Variants in LIPC observed in about 807,000 individuals in gnomAD.
LIPC encodes the protein hepatic triacylglycerol lipase.
LIPC carries 44 observed loss-of-function variants against 50.7 expected under a neutral mutation model. That is an observed-to-expected ratio of 0.87 (90% CI 0.68 to 1.11). The LOEUF (loss-of-function observed/expected upper bound fraction) is 1.11, where lower values mean the gene tolerates loss of function less well. LIPC is among the 50% of genes most tolerant of loss of function. The probability of loss-of-function intolerance (pLI) is 0.00; values close to 1 mark genes in which losing one functional copy is unlikely to be tolerated. For synonymous variants in LIPC, 271 were observed against 256.4 expected (o/e 1.06, Z -0.54); for missense variants, 697 against 648.2 (o/e 1.08, Z -0.82).
chr15:58,525,995 T>C (rs1260709062), intron 1 of LIPC, among the ~76,000 whole-genome samples: 1 of 152,214 alleles, frequency 6.6e-6, no homozygotes, highest in Non-Finnish European at 1.5e-5. Flanking sequence ...GAGGAAACCA[T>C]CTGTAAACGT....
At chr15:58,447,538 A>G (rs1893743499) in intron 1 of LIPC, among the ~76,000 whole-genome samples, 1 of 152,220 alleles carries the variant, frequency 6.6e-6, no homozygotes, top group African/African-American at 2.4e-5. Context: ...AGGCGCATGC[A>G]TATCATGTTT....
intron 5 of LIPC, among the ~76,000 whole-genome samples, chr15:58,546,444 A>G (rs962779027): frequency 3.3e-5 from 5 of 152,112 alleles, no homozygotes; most frequent in African/African-American, 1.2e-4. Context: ...CATCAGTTTA[A>G]TTGAGGAAAT....
At chr15:58,484,320 C>T (rs1462594879) in intron 1 of LIPC, among the ~76,000 whole-genome samples, 2 of 152,206 alleles carry the variant, frequency 1.3e-5, no homozygotes, top group Non-Finnish European at 2.9e-5. Flanking sequence ...TAGAAAAATG[C>T]CTTAGCATTC....
intron 1 of LIPC, among the ~76,000 whole-genome samples, chr15:58,469,501 C>G (rs1375568669): frequency 6.6e-6 from 1 of 152,180 alleles, no homozygotes; most frequent in Non-Finnish European, 1.5e-5. Flanking sequence ...TGCTCCACCC[C>G]CTTTCAATTA....
At position 58,451,869 on chromosome 15, in the gene LIPC, C is replaced by T. The variant is rs1228449932; in HGVS notation, c.88+19749C>T. On this transcript the variant is annotated intron_variant, in intron 1 of 8. Transcript: ENST00000299022. ...TGCTCCCCGCTAGAAGGTGGGCTAT[C>T]GTAGCTAAGCTACCTGGGCAGAGCA... 5.3e-5 allele frequency among the ~76,000 whole-genome samples: 8 copies of T among 152,240 alleles called. No individual in the cohort carries two copies. In the East Asian group the frequency reaches 9.7e-4, roughly 18 times the overall value.
rs1235838170 is a variant in LIPC, at chr15:58,568,600, TAAAA to T, written c.1389-112_1389-109del. The T allele has an allele frequency of 1.9e-4, 133 of 698,606 alleles. No homozygotes were observed. The African/African-American group carries it at 2.2e-3, about 11-fold the overall frequency. 43.3% of individuals were successfully genotyped at this position (698,606 alleles called of 1,614,324 possible). A position where few individuals can be genotyped will look rare whatever the true frequency, so the allele number is the denominator to read the frequency against. On this transcript the variant is annotated intron_variant, in intron 8 of 8. Coordinates refer to ENST00000299022, the MANE Select transcript of LIPC (RefSeq NM_000236.3). ...TATTTGCGAACATAAGAATCTAACT[TAAAA>T]AAAGACATCACATGCCTTACACAAA...
intron 1 of LIPC, 133 bp downstream of exon 1, chr15:58,432,253 A>C: frequency 1.4e-6 from 1 of 732,462 alleles, no homozygotes; most frequent in African/African-American, 1.7e-5. Context: ...TCTATACACG[A>C]CCTCACAGGT....
At chr15:58,485,694 T>A (rs1595888428) in intron 1 of LIPC, among the ~76,000 whole-genome samples, 1 of 152,226 alleles carries the variant, frequency 6.6e-6, no homozygotes, top group Admixed American at 6.5e-5. Flanking sequence ...TACAGACTAC[T>A]GAGAATCAGA....
chr15:58,561,738 T>C lies in LIPC; in HGVS notation c.1169+757T>C, dbSNP rs538341995. On this transcript the variant is annotated intron_variant, in intron 7 of 8. Transcript: ENST00000299022. Reference sequence around the variant, plus strand: ...TGCTGTCTGTCATGTGATGCTATACTAGAGTCAGGCTGGAATTTGGTGTCT... The same window carrying C: ...TGCTGTCTGTCATGTGATGCTATACCAGAGTCAGGCTGGAATTTGGTGTCT... Among the ~76,000 whole-genome samples the C allele has an allele frequency of 1.1e-3, 174 of 152,318 alleles. 3 individuals carry two copies. The highest frequency in any genetic ancestry group is 4.7e-4 in the Non-Finnish European group (32 of 68,022).
intron 1 of LIPC, among the ~76,000 whole-genome samples, chr15:58,524,908 CAGA>C (rs1448002710): frequency 6.6e-6 from 1 of 152,014 alleles, no homozygotes; most frequent in Non-Finnish European, 1.5e-5. Flanking sequence ...GTTGGTCATA[CAGA>C]AGTTTTTTGT....
At chr15:58,478,240 T>TG (rs1310345455) in intron 1 of LIPC, among the ~76,000 whole-genome samples, 1 of 152,146 alleles carries the variant, frequency 6.6e-6, no homozygotes, top group African/African-American at 2.4e-5. Flanking sequence ...TTTCTTTTTT[T>TG]GTTAGTTTGT....
intron 1 of LIPC, among the ~76,000 whole-genome samples, chr15:58,494,283 C>A (rs1463715269): frequency 1.3e-5 from 2 of 152,216 alleles, no homozygotes; most frequent in African/African-American, 2.4e-5. Context: ...TCAGACCAAC[C>A]CTGGTGCAAT....
chr15:58,463,632 C>A (rs1225086447), intron 1 of LIPC, among the ~76,000 whole-genome samples: 1 of 152,212 alleles, frequency 6.6e-6, no homozygotes, highest in Non-Finnish European at 1.5e-5. Context: ...TCCATCAGGT[C>A]TTTTCTGTGT....
intron 1 of LIPC, among the ~76,000 whole-genome samples, chr15:58,446,621 C>T (rs541982960): frequency 6.6e-6 from 1 of 152,212 alleles, no homozygotes; most frequent in African/African-American, 2.4e-5. Flanking sequence ...GCCCACCGTC[C>T]CATGGCCTCT....
chr15:58,458,639 A>G (rs1478634989), intron 1 of LIPC, among the ~76,000 whole-genome samples: 12 of 152,148 alleles, frequency 7.9e-5, no homozygotes, highest in Non-Finnish European at 1.3e-4. Flanking sequence ...CAGCTTTCCA[A>G]CAGGGCTAAA....
intron 1 of LIPC, among the ~76,000 whole-genome samples, chr15:58,450,812 A>G (rs1244587387): frequency 6.6e-6 from 1 of 152,144 alleles, no homozygotes; most frequent in African/African-American, 2.4e-5. Flanking sequence ...GTTTTTACCA[A>G]TGGTCCCTAA....
intron 6 of LIPC, among the ~76,000 whole-genome samples, chr15:58,558,692 C>A (rs988707978): frequency 2.2e-5 from 3 of 136,732 alleles, no homozygotes; most frequent in African/African-American, 8.1e-5. Context: ...AGCTATCCCC[C>A]CTGCCCCCAC....
intron 1 of LIPC, among the ~76,000 whole-genome samples, chr15:58,503,655 G>A (rs1892058527): frequency 6.6e-6 from 1 of 152,156 alleles, no homozygotes; most frequent in African/African-American, 2.4e-5. Flanking sequence ...GGTTCCACTG[G>A]GCCGCACCAC....
chr15:58,567,204 AAAAAT>A (rs1281869948), intron 8 of LIPC, among the ~76,000 whole-genome samples: 1 of 142,532 alleles, frequency 7.0e-6, no homozygotes, highest in African/African-American at 2.6e-5. Context: ...CCGTCTCAAA[AAAAAT>A]AAAAAATATA....
Sources: allele counts gnomAD v4.1 joint callset (sites outside exome capture counted in the v4.1 genomes callset), GRCh38; gene constraint gnomAD v4.1.1; transcripts MANE v1.5; gene names NCBI Gene and HGNC (gene_info 2026-07-23, HGNC 2026-07-21).